Variants in AGBL1 observed in about 807,000 individuals in gnomAD.
AGBL1 encodes the protein AGBL carboxypeptidase 1.
A neutral mutation model predicts 118.9 loss-of-function variants in AGBL1; 130 were observed. That is an observed-to-expected ratio of 1.09 (90% CI 0.95 to 1.26). The LOEUF (loss-of-function observed/expected upper bound fraction) is 1.26, where lower values mean the gene tolerates loss of function less well. AGBL1 is among the 50% of genes most tolerant of loss of function. AGBL1 has a pLI of 0.00. For missense variants in AGBL1, 1,584 were observed against 1,298.1 expected (o/e 1.22, Z -3.38); for synonymous variants, 555 against 478.9 (o/e 1.16, Z -2.08).
chr15:86,416,214 A>G (rs1244545621), intron 18 of AGBL1, among the ~76,000 whole-genome samples: 3 of 152,154 alleles, frequency 2.0e-5, no homozygotes, highest in Non-Finnish European at 4.4e-5. Flanking sequence ...TAAGAAGTGG[A>G]TTGTGATTTT....
intron 1 of AGBL1, among the ~76,000 whole-genome samples, chr15:86,140,916 C>T (rs2076954522): frequency 6.6e-6 from 1 of 152,064 alleles, no homozygotes; most frequent in South Asian, 2.1e-4. Context: ...TCATAAAGAG[C>T]TTTGGAAATT....
intron 18 of AGBL1, among the ~76,000 whole-genome samples, chr15:86,444,769 A>G (rs943237545): frequency 3.3e-5 from 5 of 152,128 alleles, no homozygotes; most frequent in Admixed American, 1.3e-4. Context: ...AAAGACCGGC[A>G]CAAGACAAGG....
At position 86,703,054 on chromosome 15, in the gene AGBL1, G is replaced by A. The variant is rs531319191; in HGVS notation, c.3158+28618G>A. Among the ~76,000 whole-genome samples the A allele has an allele frequency of 3.3e-5, 5 of 152,220 alleles. No individual in the cohort carries two copies. In the East Asian group the frequency reaches 7.7e-4, roughly 24 times the overall value. On this transcript the variant is annotated intron_variant, in intron 22 of 22. Coordinates refer to ENST00000614907, the MANE Select transcript of AGBL1 (RefSeq NM_001386094.1). ...TATAGTGGAGGAAAATCCAGTTATTGTAGTGTCTCAGAATCCAAGAGAATA... is the reference window on the plus strand; with the variant it reads ...TATAGTGGAGGAAAATCCAGTTATTATAGTGTCTCAGAATCCAAGAGAATA...
intron 21 of AGBL1, among the ~76,000 whole-genome samples, chr15:86,622,623 G>T (rs1464764202): frequency 6.6e-6 from 1 of 152,098 alleles, no homozygotes; most frequent in Admixed American, 6.6e-5. Context: ...GCAAGTTCTG[G>T]ATAAAGTGAG....
chr15:86,579,529 C>A (rs2084144509), intron 21 of AGBL1, among the ~76,000 whole-genome samples: 1 of 152,030 alleles, frequency 6.6e-6, no homozygotes, highest in African/African-American at 2.4e-5. Flanking sequence ...GTGTTCCATG[C>A]AAAAATGTAA....
chr15:86,080,097 G>C (rs1895165236), intron 1 of AGBL1, 74 bp downstream of exon 1: 1 of 1,147,442 alleles, frequency 8.7e-7, no homozygotes, highest in Admixed American at 4.2e-5. Context: ...TGGGAGCTAT[G>C]CACACAGTCC....
intron 22 of AGBL1, among the ~76,000 whole-genome samples, chr15:86,858,577 T>G (rs991573017): frequency 6.6e-6 from 1 of 152,050 alleles, no homozygotes; most frequent in East Asian, 1.9e-4. Context: ...GGACAACCTA[T>G]TATGTCCAGG....
In AGBL1 at chr15:86,201,416, C is replaced by T. The variant is rs148754412; in HGVS notation, c.489-23498C>T. On this transcript the variant is annotated intron_variant, in intron 5 of 22. Transcript: ENST00000614907. ...TTCTTGTCTTTTAATCTAGATATAG[C>T]AAGCACAGTGTCCTGAAGCCATGTC... 6.1e-3 allele frequency among the ~76,000 whole-genome samples: 930 copies of T among 152,276 alleles called. 4 individuals carry two copies. Among genetic ancestry groups the T allele is most frequent in the Middle Eastern group, 0.017 (5 of 294 alleles).
At chr15:86,357,797 A>T (rs1454495193) in intron 17 of AGBL1, among the ~76,000 whole-genome samples, 2 of 152,184 alleles carry the variant, frequency 1.3e-5, no homozygotes, top group South Asian at 2.1e-4. Context: ...GAACAATTTT[A>T]AAATTAAAAA....
intron 20 of AGBL1, among the ~76,000 whole-genome samples, chr15:86,547,278 T>A (rs1216253056): frequency 6.6e-6 from 1 of 152,166 alleles, no homozygotes; most frequent in Admixed American, 6.5e-5. Context: ...CCATATAAAA[T>A]GATCTCTTAT....
At chr15:86,921,224 G>A (rs1049742969) in intron 23 of AGBL1, among the ~76,000 whole-genome samples, 2 of 152,194 alleles carry the variant, frequency 1.3e-5, no homozygotes, top group South Asian at 4.1e-4. Context: ...TTTGTTTAAT[G>A]ATTTGGGGGT....
chr15:86,432,266 G>T (rs976486755), intron 18 of AGBL1, among the ~76,000 whole-genome samples: 1 of 152,098 alleles, frequency 6.6e-6, no homozygotes, highest in Admixed American at 6.6e-5. Context: ...TTTACCTAGG[G>T]TATTTTTTGT....
intron 18 of AGBL1, among the ~76,000 whole-genome samples, chr15:86,515,677 G>A (rs1784368893): frequency 6.6e-6 from 1 of 152,166 alleles, no homozygotes; most frequent in Non-Finnish European, 1.5e-5. Context: ...GACTTCAAGT[G>A]GTTGTTGGCT....
At chr15:86,140,909 T>A (rs758577287) in intron 1 of AGBL1, among the ~76,000 whole-genome samples, 3 of 152,214 alleles carry the variant, frequency 2.0e-5, no homozygotes, top group Non-Finnish European at 4.4e-5. Context: ...GACAAGATCA[T>A]AAAGAGCTTT....
intron 22 of AGBL1, among the ~76,000 whole-genome samples, chr15:86,749,137 A>T (rs912563855): frequency 2.0e-5 from 3 of 151,998 alleles, no homozygotes; most frequent in Non-Finnish European, 2.9e-5. Context: ...TCTTCCTATC[A>T]ATGAGCATGG....
At chr15:86,589,182 C>T (rs922724585) in intron 21 of AGBL1, among the ~76,000 whole-genome samples, 27 of 152,072 alleles carry the variant, frequency 1.8e-4, no homozygotes, top group African/African-American at 5.1e-4. Flanking sequence ...GTCAGAGCCC[C>T]GGCATCAGAA....
At chr15:86,471,517 T>C (rs182380579) in intron 18 of AGBL1, among the ~76,000 whole-genome samples, 55 of 137,534 alleles carry the variant, frequency 4.0e-4, no homozygotes, top group Non-Finnish European at 5.8e-4. Context: ...TTTTTTTTTA[T>C]AGCTTCCTCA....
intron 18 of AGBL1, among the ~76,000 whole-genome samples, chr15:86,437,147 G>A (rs1187901531): frequency 2.0e-5 from 3 of 152,150 alleles, no homozygotes; most frequent in Non-Finnish European, 2.9e-5. Context: ...AGGACACTGA[G>A]GGTGTGTAAG....
intron 24 of AGBL1, among the ~76,000 whole-genome samples, chr15:87,009,019 T>G (rs2141777294): frequency 6.6e-6 from 1 of 152,312 alleles, no homozygotes; most frequent in East Asian, 1.9e-4. Flanking sequence ...AAATCCTATT[T>G]TCTGAGGAAA....
Sources: gnomAD v4.1 joint callset for allele counts (sites outside exome capture counted in the v4.1 genomes callset) on GRCh38, gnomAD v4.1.1 for gene constraint, MANE v1.5 for transcripts, NCBI Gene and HGNC (gene_info 2026-07-23, HGNC 2026-07-21) for gene names.